PIBF1: variants seen among roughly 807,000 people sequenced by gnomAD.
PIBF1 encodes progesterone immunomodulatory binding factor 1.
PIBF1 carries 90 observed loss-of-function variants against 112.5 expected under a neutral mutation model. The ratio of observed to expected loss-of-function variants is 0.80; its 90% CI spans 0.67 to 0.95. PIBF1 has a LOEUF of 0.95. PIBF1 is among the 40% of genes least tolerant of loss of function. The probability of loss-of-function intolerance (pLI) is 0.00; values close to 1 mark genes in which losing one functional copy is unlikely to be tolerated. For synonymous variants in PIBF1, 301 were observed against 288.6 expected, an observed-to-expected ratio of 1.04 and a Z score of -0.44; for missense variants, 915 against 852.3, an observed-to-expected ratio of 1.07 and a Z score of -0.92.
At chr13:72,794,136 T>C (rs2035073070) in intron 3 of PIBF1, among the ~76,000 whole-genome samples, 1 of 152,012 alleles carries the variant, frequency 6.6e-6, no homozygotes, top group Non-Finnish European at 1.5e-5. Context: ...GTGATGAAAA[T>C]GTATCAAGGA....
At chr13:72,824,262 C>T (rs2036698929) in intron 6 of PIBF1, among the ~76,000 whole-genome samples, 1 of 151,790 alleles carries the variant, frequency 6.6e-6, no homozygotes, top group African/African-American at 2.4e-5. Flanking sequence ...GGTGATCTGC[C>T]CACCTTGGCC....
At position 73,015,877 on chromosome 13, in the gene PIBF1, A is replaced by G. The variant is rs201488620; in HGVS notation, c.2232A>G (p.Lys744=). Residue 744 remains lysine, a synonymous_variant, in exon 18 of 18, where the codon AAA becomes AAG. Coordinates refer to ENST00000326291, the MANE Select transcript of PIBF1 (RefSeq NM_006346.4). ...TTTCTTTTTTTAAACAGACTAAAAA[A>G]GAAGCACCTGAGTGGTCTAAGAAAC... ...FTPKPTLFTK[K]EAPEWSKKQK... The G allele has an allele frequency of 2.5e-6, 4 of 1,578,486 alleles. No homozygotes were observed. The highest frequency in any genetic ancestry group is 3.4e-6 in the Non-Finnish European group (4 of 1,161,094).
chr13:73,013,315 A>G (rs1555333853), intron 17 of PIBF1, among the ~76,000 whole-genome samples: 36 of 94,852 alleles, frequency 3.8e-4, no homozygotes, highest in East Asian at 2.4e-3. Flanking sequence ...AAAAAAAAAA[A>G]AAAAAAAAAA....
chr13:72,833,549 C>T (rs2037216503), intron 8 of PIBF1, among the ~76,000 whole-genome samples: 1 of 152,174 alleles, frequency 6.6e-6, no homozygotes, highest in Admixed American at 6.5e-5. Context: ...CCCCTCCCGA[C>T]CCTGTTTGCC....
rs1441206242 is a variant in PIBF1 at position 72,988,024 on chromosome 13, G to A, written c.2050-10798G>A. Among the ~76,000 whole-genome samples, 8 of 151,098 alleles carry A rather than the reference G, an allele frequency of 5.3e-5. No homozygotes were observed. The East Asian group carries it at 7.8e-4, about 15-fold the overall frequency. On this transcript the variant is annotated intron_variant, in intron 16 of 17. Coordinates refer to ENST00000326291, the MANE Select transcript of PIBF1 (RefSeq NM_006346.4). ...ACTACAGGCGCATGCCACCAGGCCCGGCTAATTTTTGTATTTTTAGTAGAG... is the reference window on the plus strand; with the variant it reads ...ACTACAGGCGCATGCCACCAGGCCCAGCTAATTTTTGTATTTTTAGTAGAG...
intron 11 of PIBF1, among the ~76,000 whole-genome samples, chr13:72,903,366 CTGAG>C (rs1208665307): frequency 3.3e-5 from 5 of 152,156 alleles, no homozygotes; most frequent in Non-Finnish European, 7.4e-5. Context: ...TACTTTGTAA[CTGAG>C]TGTCTATTAG....
chr13:72,812,710 G>T (rs1052104515), intron 5 of PIBF1, among the ~76,000 whole-genome samples: 44 of 152,150 alleles, frequency 2.9e-4, no homozygotes, highest in African/African-American at 4.8e-5. Flanking sequence ...CTTGAACCTG[G>T]GAGCCAGAGG....
chr13:72,968,323 G>A (rs529476114), intron 15 of PIBF1, among the ~76,000 whole-genome samples: 2 of 151,054 alleles, frequency 1.3e-5, no homozygotes, highest in Non-Finnish European at 2.9e-5. Flanking sequence ...TCTTTGAGAC[G>A]GAGTTTCACT....
chr13:72,926,612 C>A (rs902063611), intron 13 of PIBF1, among the ~76,000 whole-genome samples: 1 of 152,162 alleles, frequency 6.6e-6, no homozygotes, highest in Non-Finnish European at 1.5e-5. Context: ...TCCAAACATA[C>A]AAGGCTTTTC....
chr13:72,924,208 A>G (rs1443850761), intron 13 of PIBF1, among the ~76,000 whole-genome samples: 2 of 152,172 alleles, frequency 1.3e-5, no homozygotes, highest in Admixed American at 1.3e-4. Flanking sequence ...TTGAATATAG[A>G]AGTGGTGAAT....
chr13:72,927,272 G>A (rs1012283788), intron 13 of PIBF1, among the ~76,000 whole-genome samples: 11 of 152,068 alleles, frequency 7.2e-5, no homozygotes, highest in African/African-American at 1.9e-4. Context: ...ATGGGAGGCC[G>A]AGGTGGGCGG....
chr13:72,989,954 C>G (rs2043420574), intron 16 of PIBF1, among the ~76,000 whole-genome samples: 1 of 152,110 alleles, frequency 6.6e-6, no homozygotes, highest in Non-Finnish European at 1.5e-5. Flanking sequence ...AGGCTCATGC[C>G]TGTAATCTCA....
intron 10 of PIBF1, among the ~76,000 whole-genome samples, chr13:72,881,550 T>G (rs1470043528): frequency 6.6e-6 from 1 of 151,934 alleles, no homozygotes; most frequent in Non-Finnish European, 1.5e-5. Flanking sequence ...ACCCCGTTTC[T>G]ACTAAAAATA....
At chr13:72,932,258 TAA>T (rs895094710) in intron 14 of PIBF1, among the ~76,000 whole-genome samples, 1 of 152,158 alleles carries the variant, frequency 6.6e-6, no homozygotes, top group Non-Finnish European at 1.5e-5. Context: ...GTTAATATTT[TAA>T]AAGTTTTAAA....
At chr13:72,858,029 G>T (rs61967070) in intron 10 of PIBF1, among the ~76,000 whole-genome samples, 1,337 of 112,060 alleles carry the variant, frequency 0.012, 67 homozygotes, top group East Asian at 0.013. Flanking sequence ...TACATTGTGT[G>T]TGTGTGTGTG....
intron 14 of PIBF1, among the ~76,000 whole-genome samples, chr13:72,963,413 G>C (rs1419516604): frequency 6.6e-6 from 1 of 152,102 alleles, no homozygotes; most frequent in Non-Finnish European, 1.5e-5. Context: ...GGCCAACATG[G>C]TGAAACCCCG....
At chr13:72,886,556 C>T (rs2039865472) in intron 10 of PIBF1, among the ~76,000 whole-genome samples, 1 of 151,936 alleles carries the variant, frequency 6.6e-6, no homozygotes, top group Non-Finnish European at 1.5e-5. Flanking sequence ...AAGTACTCTT[C>T]ACATACCTGT....
At position 72,881,716 on chromosome 13, in the gene PIBF1, GAAAAAAAA is replaced by G. The variant is rs973383603; in HGVS notation, c.1323-12059_1323-12052del. On this transcript the variant is annotated intron_variant, in intron 10 of 17. Coordinates refer to ENST00000326291, the MANE Select transcript of PIBF1 (RefSeq NM_006346.4). The stretch of plus-strand genomic sequence containing the variant: ...CAGTGACAGAGCAAGACTCCATCTT[GAAAAAAAA>G]AAAAAAAAGTAAAAGATCTCTACAA... 6.8e-3 allele frequency among the ~76,000 whole-genome samples: 677 copies of G among 99,636 alleles called. 11 individuals carry two copies. Among genetic ancestry groups the G allele is most frequent in the African/African-American group, 0.023 (627 of 26,734 alleles). The allele number at this position is 99,636 out of a possible 152,430, so 65.4% of individuals were successfully genotyped here.
At position 72,844,789 on chromosome 13, in the gene PIBF1, A is replaced by ACACACACACACACG. The variant is rs1594035467; in HGVS notation, c.1224-9257_1224-9256insACGCACACACACAC. On this transcript the variant is annotated intron_variant, in intron 9 of 17. Transcript: ENST00000326291. ...CACACACACACACACACACACACAC[A>ACACACACACACACG]CACACACACACGGATGAAGTCTTAC... is the stretch of plus-strand genomic sequence containing the variant. 3.1e-3 allele frequency among the ~76,000 whole-genome samples: 371 copies of ACACACACACACACG among 119,600 alleles called. 19 individuals carry two copies. The highest frequency in any genetic ancestry group is 0.011 in the African/African-American group (302 of 26,296). 78.5% of individuals were successfully genotyped at this position (119,600 alleles called of 152,430 possible). A position where few individuals can be genotyped will look rare whatever the true frequency, so the allele number is the denominator to read the frequency against.
Sources: gnomAD v4.1 joint callset for allele counts (sites outside exome capture counted in the v4.1 genomes callset) on GRCh38, gnomAD v4.1.1 for gene constraint, MANE v1.5 for transcripts, NCBI Gene and HGNC (gene_info 2026-07-23, HGNC 2026-07-21) for gene names.